The following SCN3A variants were observed in gnomAD, a reference collection of about 807,000 sequenced individuals.
SCN3A encodes sodium voltage-gated channel alpha subunit 3, also known as sodium channel protein type 3 subunit alpha.
SCN3A carries 60 observed loss-of-function variants against 187.6 expected under a neutral mutation model. The ratio of observed to expected loss-of-function variants is 0.32; its 90% CI spans 0.26 to 0.40. SCN3A has a LOEUF of 0.40. Ranked by LOEUF, SCN3A falls within the 10% of genes least tolerant of loss-of-function variation. The probability of loss-of-function intolerance (pLI) is 1.00; values close to 1 mark genes in which losing one functional copy is unlikely to be tolerated. For missense variants in SCN3A, 1,601 were observed against 2,428.2 expected (o/e 0.66, Z 7.16); for synonymous variants, 788 against 829.2 (o/e 0.95, Z 0.85).
chr2:165,126,479 T>G (rs1686996900), intron 18 of SCN3A, among the ~76,000 whole-genome samples: 1 of 147,834 alleles, frequency 6.8e-6, no homozygotes, highest in Admixed American at 6.7e-5. Context: ...TCTTTATTTC[T>G]TCCTTCTTTT....
At chr2:165,176,577 A>C in intron 2 of SCN3A, 133 bp from the exon 3 acceptor site, 1 of 646,398 alleles carries the variant, frequency 1.5e-6, no homozygotes, top group South Asian at 1.9e-5. Context: ...ACTGCACTAC[A>C]CATTTGAACT....
chr2:165,162,518 C>T, intron 8 of SCN3A, 38 bp downstream of exon 8: 1 of 1,612,922 alleles, frequency 6.2e-7, no homozygotes, highest in South Asian at 1.1e-5. Context: ...AAAATTCATT[C>T]AGCAACACTA....
intron 15 of SCN3A, among the ~76,000 whole-genome samples, 169 bp from the exon 16 acceptor site, chr2:165,131,586 T>C (rs1234558145): frequency 6.6e-6 from 1 of 151,554 alleles, no homozygotes; most frequent in Non-Finnish European, 1.5e-5. Flanking sequence ...TTATTTTTAT[T>C]TATTTTTATT....
chr2:165,169,877 T>G (rs186770923), intron 4 of SCN3A, among the ~76,000 whole-genome samples: 1 of 151,928 alleles, frequency 6.6e-6, no homozygotes, highest in African/African-American at 2.4e-5. Context: ...TTTTGATACA[T>G]ATTCTCAACC....
chr2:165,136,375 A>C (rs1215518519), intron 15 of SCN3A, among the ~76,000 whole-genome samples: 1 of 152,184 alleles, frequency 6.6e-6, no homozygotes, highest in Non-Finnish European at 1.5e-5. Flanking sequence ...AAAGGTCTAA[A>C]AGGTTAATAG....
At chr2:165,185,779 TC>T (rs1691190930) in intron 2 of SCN3A, among the ~76,000 whole-genome samples, 1 of 152,172 alleles carries the variant, frequency 6.6e-6, no homozygotes, top group African/African-American at 2.4e-5. Context: ...TAGTCTTTGG[TC>T]AGTTCAAAAA....
In SCN3A at chr2:165,140,959, G is replaced by T; in HGVS notation, c.1711C>A (p.Arg571Ser). 1 of 1,613,962 alleles carries T rather than the reference G, an allele frequency of 6.2e-7. No homozygotes were observed. Among genetic ancestry groups the T allele is most frequent in the Non-Finnish European group, 8.5e-7 (1 of 1,179,946 alleles). ...CTGAAAATGCTTGTTTTGCTATTGC[G>T]TCTTGGGGAAAACAGGGAGCCACGG... ...SIRGSLFSPR[R>S]NSKTSIFSFR... The change falls in exon 13 of 28, where the codon CGC (arginine) becomes AGC (serine). Residue 571 changes from arginine to serine, a missense_variant. Physicochemically the swap from Arg to Ser is moderately radical, Grantham distance 110. Transcript: ENST00000283254. The surrounding 1 kb of genome is among the most constrained non-coding windows in gnomAD (Gnocchi z 4.2).
chr2:165,197,854 A>AAG (rs1692064093), intron 1 of SCN3A, among the ~76,000 whole-genome samples: 1 of 151,992 alleles, frequency 6.6e-6, no homozygotes, highest in South Asian at 2.1e-4. Context: ...TAAATATAAA[A>AAG]AGATCAATAG....
chr2:165,203,787 C>T (rs1049354801), intron 1 of SCN3A, 36 bp downstream of exon 1: 7 of 151,906 alleles, frequency 4.6e-5, no homozygotes, highest in African/African-American at 1.7e-4. Context: ...TAGCTAGGTT[C>T]TATGGTGCAG....
At chr2:165,176,883 C>T (rs1326140021) in intron 2 of SCN3A, among the ~76,000 whole-genome samples, 1 of 152,130 alleles carries the variant, frequency 6.6e-6, no homozygotes, top group Non-Finnish European at 1.5e-5. Flanking sequence ...TGCCCCCCGC[C>T]TTTTCATAAC....
Position 165,115,545 on chromosome 2 carries a change from T to G in SCN3A, c.3424A>C (p.Ser1142Arg), listed in dbSNP as rs776471756. The G allele has an allele frequency of 1.9e-6, 3 of 1,613,718 alleles. No individual in the cohort carries two copies. Among genetic ancestry groups the G allele is most frequent in the Non-Finnish European group, 2.5e-6 (3 of 1,179,670 alleles). The stretch of plus-strand genomic sequence containing the variant: ...CGGGGTAGAACAACATCAACTGTGC[T>G]TCCTTCAGATGAGCTGGTTGCATTT... ...KLNATSSSEG[S>R]TVDVVLPREG... is the part of the protein sequence containing the mutation. Residue 1142 changes from serine to arginine, a missense_variant, in exon 19 of 28, where the codon AGC becomes CGC. Around this residue, in one of 11 missense-constraint regions of SCN3A, gnomAD observed 267 missense variants for 313.2 expected, o/e 0.85. Coordinates refer to ENST00000283254, the MANE Select transcript of SCN3A (RefSeq NM_006922.4).
chr2:165,146,380 A>ATGTG (rs1326098670), intron 12 of SCN3A, among the ~76,000 whole-genome samples: 6 of 90,596 alleles, frequency 6.6e-5, no homozygotes, highest in African/African-American at 2.2e-4. Context: ...ATATATATAT[A>ATGTG]TATGTGTGTG....
At chr2:165,125,539 G>C (rs1445776483) in intron 18 of SCN3A, among the ~76,000 whole-genome samples, 1 of 151,914 alleles carries the variant, frequency 6.6e-6, no homozygotes, top group Admixed American at 6.6e-5. Context: ...GGATGGTCTC[G>C]ATCTCCTGAC....
chr2:165,104,485 A>G (rs2105676537), intron 21 of SCN3A, among the ~76,000 whole-genome samples: 1 of 152,052 alleles, frequency 6.6e-6, no homozygotes, highest in African/African-American at 2.4e-5. Flanking sequence ...AGGTTGGTCA[A>G]AAATTGAAAC....
At chr2:165,197,421 G>A (rs745564354) in intron 1 of SCN3A, among the ~76,000 whole-genome samples, 9 of 152,058 alleles carry the variant, frequency 5.9e-5, no homozygotes, top group Non-Finnish European at 8.8e-5. Context: ...CAGAGAATCT[G>A]ATTGAATTGG....
Position 165,090,697 on chromosome 2 carries a change from G to A in SCN3A, c.5456C>T (p.Ala1819Val). 6.2e-7 allele frequency: 1 copy of A among 1,614,018 alleles called. No homozygotes were observed. The highest frequency in any genetic ancestry group is 8.5e-7 in the Non-Finnish European group (1 of 1,179,994). ...TGCTATGAGAAGAGGAGGATCCAGGGCAGCTGCAAAATCAGAGAGTTTAGA... is the reference window on the plus strand; with the variant it reads ...TGCTATGAGAAGAGGAGGATCCAGGACAGCTGCAAAATCAGAGAGTTTAGA... ...EFSKLSDFAA[A>V]LDPPLLIAKP... Residue 1819 changes from alanine to valine, a missense_variant, in exon 28 of 28, where the codon GCC becomes GTC. By Grantham distance (64) the Ala-to-Val change is moderately conservative (BLOSUM62 0). This residue lies in a region of SCN3A where 110 missense variants were observed against 175.9 expected (regional missense o/e 0.63). Transcript: ENST00000283254. The surrounding 1 kb of genome is among the most constrained non-coding windows in gnomAD (Gnocchi z 4.0).
In SCN3A at chr2:165,140,868, A is replaced by T. The variant is rs1446811742; in HGVS notation, c.1802T>A (p.Phe601Tyr). The T allele has an allele frequency of 6.2e-7, 1 of 1,614,092 alleles. No individual in the cohort carries two copies. Among genetic ancestry groups the T allele is most frequent in the Admixed American group, 1.7e-5 (1 of 59,994 alleles). ...GTCTCTCCTGCTTTCGCTGTCTTCA[A>T]ATGTGCTGTGTTCATCATCAGCAAA... The part of the protein sequence containing the change: ...NDFADDEHST[F>Y]EDSESRRDSL... The change falls in exon 13 of 28, where the codon TTT becomes TAT. Residue 601 changes from phenylalanine (F) to tyrosine (Y), a missense_variant. Phe to Tyr is a conservative substitution (Grantham distance 22). Around this residue, in one of 11 missense-constraint regions of SCN3A, gnomAD observed 376 missense variants for 476.0 expected, o/e 0.79. Transcript: ENST00000283254. This position sits in a 1 kb window ranked among gnomAD's most constrained non-coding sequence, Gnocchi z 4.2.
intron 25 of SCN3A, among the ~76,000 whole-genome samples, chr2:165,095,178 T>C (rs549786599): frequency 6.6e-6 from 1 of 152,220 alleles, no homozygotes; most frequent in East Asian, 1.9e-4. Context: ...AATACACATG[T>C]ATAGAGTGAA....
chr2:165,184,122 G>A (rs936616446), intron 2 of SCN3A, among the ~76,000 whole-genome samples: 14 of 152,068 alleles, frequency 9.2e-5, no homozygotes, highest in South Asian at 2.1e-4. Context: ...TTCTCAGGCA[G>A]CATATGCACC....
Sources: gnomAD v4.1 joint callset for allele counts (sites outside exome capture counted in the v4.1 genomes callset) on GRCh38, gnomAD v4.1.1 for gene constraint, gnomAD v4.1.1 regional missense constraint, Gnocchi (gnomAD v3.1) non-coding constraint, MANE v1.5 for transcripts, NCBI Gene and HGNC (gene_info 2026-07-23, HGNC 2026-07-21) for gene names.